TMEM169: variants seen among roughly 807,000 people sequenced by gnomAD.
TMEM169 encodes the protein transmembrane protein 169.
TMEM169 carries 18 observed loss-of-function variants against 27.3 expected under a neutral mutation model. That is an observed-to-expected ratio of 0.66 (90% CI 0.46 to 0.98). The LOEUF is 0.98. TMEM169 is among the 50% of genes least tolerant of loss of function. The probability of loss-of-function intolerance (pLI) is 0.00; values close to 1 mark genes in which losing one functional copy is unlikely to be tolerated. For synonymous variants in TMEM169, 136 were observed against 142.1 expected (o/e 0.96, Z 0.30); for missense variants, 320 against 368.6 (o/e 0.87, Z 1.08).
chr2:216,085,492 T>A (rs772714928), intron 1 of TMEM169, among the ~76,000 whole-genome samples: 4 of 152,050 alleles, frequency 2.6e-5, no homozygotes, highest in Non-Finnish European at 5.9e-5. Context: ...ATAGGAGCAT[T>A]TTTTTTAGAA....
intron 1 of TMEM169, among the ~76,000 whole-genome samples, chr2:216,089,814 T>C (rs1696085689): frequency 6.6e-6 from 1 of 152,188 alleles, no homozygotes; most frequent in African/African-American, 2.4e-5. Flanking sequence ...AAGTATAGAA[T>C]TAAACCCAAG....
chr2:216,094,584 T>G (rs1696217174), intron 1 of TMEM169, among the ~76,000 whole-genome samples: 1 of 152,152 alleles, frequency 6.6e-6, no homozygotes, highest in South Asian at 2.1e-4. Context: ...CCTCTAAAAT[T>G]GTCCTGCCAA....
chr2:216,096,748 C>T (rs1696273247), intron 2 of TMEM169, among the ~76,000 whole-genome samples: 2 of 152,208 alleles, frequency 1.3e-5, no homozygotes, highest in South Asian at 4.1e-4. Flanking sequence ...GAAATCTCCA[C>T]CCTTTCAGAA....
intron 2 of TMEM169, among the ~76,000 whole-genome samples, chr2:216,097,157 C>T (rs1027988023): frequency 6.6e-6 from 1 of 152,198 alleles, no homozygotes; most frequent in Non-Finnish European, 1.5e-5. Flanking sequence ...CTCCATGAAA[C>T]TTATGCCCAT....
At chr2:216,093,893 A>T (rs979654084) in intron 1 of TMEM169, among the ~76,000 whole-genome samples, 1 of 152,242 alleles carries the variant, frequency 6.6e-6, no homozygotes, top group Non-Finnish European at 1.5e-5. Context: ...AATTTGCTTC[A>T]AAATGAATGG....
intron 1 of TMEM169, among the ~76,000 whole-genome samples, chr2:216,085,522 G>A (rs1384084564): frequency 6.6e-6 from 1 of 152,166 alleles, no homozygotes; most frequent in East Asian, 1.9e-4. Flanking sequence ...AGAGACAGTG[G>A]CCTCCTAGAC....
chr2:216,088,388 C>G (rs1469150211), intron 1 of TMEM169, among the ~76,000 whole-genome samples: 1 of 152,164 alleles, frequency 6.6e-6, no homozygotes, highest in East Asian at 1.9e-4. Context: ...GGCGTGAACC[C>G]GGGAGGCGGA....
intron 1 of TMEM169, among the ~76,000 whole-genome samples, chr2:216,094,329 A>G (rs1436423479): frequency 1.3e-5 from 2 of 152,260 alleles, no homozygotes; most frequent in South Asian, 2.1e-4. Flanking sequence ...TATTTTTCAC[A>G]GTATAAATGC....
chr2:216,096,182 T>G lies in TMEM169; in HGVS notation c.219T>G (p.Asp73Glu). Residue 73 changes from aspartate to glutamate, a missense_variant, in exon 2 of 3, where the codon GAT becomes GAG. By Grantham distance (45) the Asp-to-Glu change is conservative. Coordinates refer to ENST00000437356, the MANE Select transcript of TMEM169 (RefSeq NM_001142311.2). Reference sequence around the variant, plus strand: ...AGCCCGGAGAATCAGAAGGTGGAGATCAGCCTAAAGAGGAGGAGGGAGATG... The same window carrying G: ...AGCCCGGAGAATCAGAAGGTGGAGAGCAGCCTAAAGAGGAGGAGGGAGATG... ...DEEPGESEGG[D>E]QPKEEEGDDF... The G allele has an allele frequency of 6.2e-7, 1 of 1,614,104 alleles. No individual in the cohort carries two copies. Among genetic ancestry groups the G allele is most frequent in the Non-Finnish European group, 8.5e-7 (1 of 1,180,016 alleles).
chr2:216,096,546 G>C (rs533183661), intron 2 of TMEM169, among the ~76,000 whole-genome samples: 56 of 152,124 alleles, frequency 3.7e-4, no homozygotes, highest in African/African-American at 1.3e-3. Context: ...TGTATTTTTA[G>C]TAGAGACTGG....
Position 216,100,334 on chromosome 2 carries a change from C to T in TMEM169, c.686C>T (p.Ala229Val). 6.2e-7 allele frequency: 1 copy of T among 1,614,030 alleles called. No individual in the cohort carries two copies. The highest frequency in any genetic ancestry group is 8.5e-7 in the Non-Finnish European group (1 of 1,180,012). ...MAMASSLGLYAAVVQLSWSWE... is the reference protein window; with the variant it reads ...MAMASSLGLYVAVVQLSWSWE... ...ATGGCTTCTTCCCTCGGCCTCTACG[C>T]TGCTGTGGTCCAGCTCTCGTGGTCC... Residue 229 changes from alanine (A) to valine (V), a missense_variant, in exon 3 of 3, where the codon GCT (alanine) becomes GTT (valine). Physicochemically the swap from Ala to Val is moderately conservative, Grantham distance 64 (BLOSUM62 0). Transcript: ENST00000437356.
intron 1 of TMEM169, among the ~76,000 whole-genome samples, chr2:216,093,006 C>G (rs984577435): frequency 6.6e-6 from 1 of 151,830 alleles, no homozygotes. Flanking sequence ...AACATAGACA[C>G]TTAGAGAGTA....
rs114495957 is a variant in TMEM169 at position 216,088,925 on chromosome 2, T to A, written c.-126-6913T>A. 1.9e-3 allele frequency among the ~76,000 whole-genome samples: 295 copies of A among 152,272 alleles called. 3 individuals carry two copies. The highest frequency in any genetic ancestry group is 6.8e-3 in the African/African-American group (283 of 41,542). ...TTTGCTAAATAATTCAATTAGAAAATATTCGCCAGGCTATTGGAGATACAA... is the reference window on the plus strand; with the variant it reads ...TTTGCTAAATAATTCAATTAGAAAAAATTCGCCAGGCTATTGGAGATACAA... On this transcript the variant is annotated intron_variant, in intron 1 of 2. Coordinates refer to ENST00000437356, the MANE Select transcript of TMEM169 (RefSeq NM_001142311.2).
At position 216,096,131 on chromosome 2, in the gene TMEM169, C is replaced by T. The variant is rs1370223658; in HGVS notation, c.168C>T (p.Arg56=). ...ESRPESIIIY[R]SDNEKTDEEP... ...GCCCAGAATCCATCATCATCTACCG[C>T]TCAGACAATGAGAAAACAGATGAGG... The change falls in exon 2 of 3, where the codon CGC becomes CGT. Residue 56 remains arginine (R), a synonymous_variant. Transcript: ENST00000437356. 2 of 1,614,122 alleles carry T rather than the reference C, an allele frequency of 1.2e-6. No homozygotes were observed. The highest frequency in any genetic ancestry group is 1.7e-6 in the Non-Finnish European group (2 of 1,180,028).
chr2:216,100,300 A>T lies in TMEM169; in HGVS notation c.652A>T (p.Ile218Phe). 1 of 1,613,682 alleles carries T rather than the reference A, an allele frequency of 6.2e-7. No individual in the cohort carries two copies. The highest frequency in any genetic ancestry group is 1.1e-5 in the South Asian group (1 of 91,058). Residue 218 changes from isoleucine to phenylalanine, a missense_variant, in exon 3 of 3, where the codon ATC becomes TTC. Ile to Phe is a conservative substitution (Grantham distance 21). Coordinates refer to ENST00000437356, the MANE Select transcript of TMEM169 (RefSeq NM_001142311.2). The part of the protein sequence containing the change: ...PCLVLFYPVL[I>F]MAMASSLGLY... ...CCTCGTTCTCTTCTATCCAGTGCTC[A>T]TCATGGCCATGGCTTCTTCCCTCGG...
chr2:216,089,707 C>T (rs1696083812), intron 1 of TMEM169, among the ~76,000 whole-genome samples: 1 of 152,094 alleles, frequency 6.6e-6, no homozygotes, highest in African/African-American at 2.4e-5. Context: ...GCCCATCTTG[C>T]CCTTCCAAAA....
intron 1 of TMEM169, among the ~76,000 whole-genome samples, chr2:216,086,468 C>A (rs1696000739): frequency 6.6e-6 from 1 of 152,074 alleles, no homozygotes; most frequent in Non-Finnish European, 1.5e-5. Context: ...TTGATTAAAG[C>A]CTTGGAAATT....
chr2:216,082,311 C>T (rs573054174), intron 1 of TMEM169: 5 of 153,812 alleles, frequency 3.3e-5, no homozygotes, highest in African/African-American at 1.2e-4. Context: ...CAGATCCTTT[C>T]ATCCTTCGGG....
intron 1 of TMEM169, 64 bp downstream of exon 1, chr2:216,082,043 A>C: frequency 3.8e-6 from 1 of 264,386 alleles, no homozygotes; most frequent in Non-Finnish European, 7.3e-6. Context: ...GGGAAATGCA[A>C]AAAAAAAAAA....
Sources: gnomAD v4.1 joint callset for allele counts (sites outside exome capture counted in the v4.1 genomes callset) on GRCh38, gnomAD v4.1.1 for gene constraint, MANE v1.5 for transcripts, NCBI Gene and HGNC (gene_info 2026-07-23, HGNC 2026-07-21) for gene names.